SAMMSON: variants seen among roughly 807,000 people sequenced by gnomAD.
The protein encoded by SAMMSON is survival associated mitochondrial melanoma specific oncogenic non-coding RNA.
At chr3:70,023,449 A>G (rs2067024162) in intron 3 of SAMMSON, among the ~76,000 whole-genome samples, 1 of 151,622 alleles carries the variant, frequency 6.6e-6, no homozygotes. Context: ...TGACAGAGCA[A>G]GACTCTGTCT....
intron 6 of SAMMSON, among the ~76,000 whole-genome samples, chr3:70,278,607 A>G (rs975348578): frequency 6.6e-6 from 1 of 152,120 alleles, no homozygotes; most frequent in Non-Finnish European, 1.5e-5. Flanking sequence ...GAATGCCTTT[A>G]TTGACTACTT....
chr3:70,175,078 A>G (rs1701000426), intron 4 of SAMMSON, among the ~76,000 whole-genome samples: 1 of 152,124 alleles, frequency 6.6e-6, no homozygotes, highest in African/African-American at 2.4e-5. Flanking sequence ...ATCGCAATTA[A>G]TAGAAAGTCT....
chr3:70,002,269 A>T (rs1284595072), intron 1 of SAMMSON, among the ~76,000 whole-genome samples: 1 of 152,222 alleles, frequency 6.6e-6, no homozygotes, highest in African/African-American at 2.4e-5. Context: ...AAGAATTAGT[A>T]GATTTTTAAT....
intron 7 of SAMMSON, among the ~76,000 whole-genome samples, chr3:70,350,294 C>CT (rs574656678): frequency 1.3e-5 from 2 of 152,008 alleles, no homozygotes; most frequent in Non-Finnish European, 2.9e-5. Context: ...AAAGAATAAC[C>CT]TTTTTTTGCA....
chr3:70,187,054 A>G (rs1409268607), intron 4 of SAMMSON, among the ~76,000 whole-genome samples: 1 of 152,208 alleles, frequency 6.6e-6, no homozygotes, highest in Non-Finnish European at 1.5e-5. Flanking sequence ...GTCTTTCTCT[A>G]GCTACCATGT....
intron 4 of SAMMSON, among the ~76,000 whole-genome samples, chr3:70,232,823 G>A (rs1047917647): frequency 6.6e-6 from 1 of 152,088 alleles, no homozygotes; most frequent in African/African-American, 2.4e-5. Flanking sequence ...TCTTCCCAGG[G>A]TGATTCTCTC....
intron 6 of SAMMSON, among the ~76,000 whole-genome samples, chr3:70,255,295 A>G (rs959467007): frequency 1.3e-5 from 2 of 152,256 alleles, no homozygotes; most frequent in African/African-American, 2.4e-5. Context: ...ATGAAAAAAC[A>G]TACATACTGT....
intron 3 of SAMMSON, among the ~76,000 whole-genome samples, chr3:70,050,397 A>G (rs1576108767): frequency 6.6e-6 from 1 of 152,150 alleles, no homozygotes; most frequent in East Asian, 1.9e-4. Context: ...CCAGTACAGC[A>G]GAGCAGCTCT....
chr3:70,218,217 A>G (rs1701432908), intron 4 of SAMMSON, among the ~76,000 whole-genome samples: 1 of 152,118 alleles, frequency 6.6e-6, no homozygotes, highest in South Asian at 2.1e-4. Context: ...TGGGGTTAAA[A>G]CACTTATTTC....
intron 4 of SAMMSON, among the ~76,000 whole-genome samples, chr3:70,154,756 C>T (rs2067585399): frequency 6.6e-6 from 1 of 151,980 alleles, no homozygotes; most frequent in African/African-American, 2.4e-5. Context: ...AGAAAGTTAA[C>T]CTGGTAAAGA....
At chr3:70,059,824 G>A (rs1161042490) in intron 3 of SAMMSON, among the ~76,000 whole-genome samples, 1 of 152,050 alleles carries the variant, frequency 6.6e-6, no homozygotes, top group Non-Finnish European at 1.5e-5. Flanking sequence ...AGCTGTTTTA[G>A]TGAATGACAC....
At chr3:70,083,537 T>G (rs972337017) in intron 4 of SAMMSON, among the ~76,000 whole-genome samples, 10 of 152,206 alleles carry the variant, frequency 6.6e-5, no homozygotes, top group African/African-American at 2.4e-4. Flanking sequence ...CATCAGGACC[T>G]TAAATTATGA....
At chr3:70,123,737 A>C (rs2067444335) in intron 4 of SAMMSON, among the ~76,000 whole-genome samples, 1 of 152,346 alleles carries the variant, frequency 6.6e-6, no homozygotes, top group African/African-American at 2.4e-5. Flanking sequence ...GAAAGCCTTT[A>C]AGGTGCCTTC....
chr3:70,086,850 G>A (rs1466021104), intron 4 of SAMMSON, among the ~76,000 whole-genome samples: 1 of 152,154 alleles, frequency 6.6e-6, no homozygotes, highest in African/African-American at 2.4e-5. Flanking sequence ...ATTTACACAT[G>A]TATGGGTTTA....
intron 1 of SAMMSON, among the ~76,000 whole-genome samples, chr3:70,001,655 G>A (rs1312200090): frequency 2.6e-5 from 4 of 152,062 alleles, no homozygotes; most frequent in Admixed American, 2.6e-4. Flanking sequence ...ATTTTGGGGG[G>A]GAATCACGAC....
At chr3:70,008,308 C>T (rs1008553082) in intron 1 of SAMMSON, among the ~76,000 whole-genome samples, 39 of 152,090 alleles carry the variant, frequency 2.6e-4, no homozygotes, top group African/African-American at 7.2e-4. Flanking sequence ...TGTTTGTATC[C>T]TCTTTTCTTT....
chr3:70,277,233 C>T (rs1314720644), intron 6 of SAMMSON, among the ~76,000 whole-genome samples: 2 of 151,976 alleles, frequency 1.3e-5, no homozygotes, highest in African/African-American at 4.8e-5. Context: ...AAATACAATA[C>T]GAAAAAGGCT....
chr3:70,181,526 C>T (rs542994732), intron 4 of SAMMSON, among the ~76,000 whole-genome samples: 7 of 152,276 alleles, frequency 4.6e-5, no homozygotes, highest in South Asian at 4.1e-4. Flanking sequence ...CTTCTTAACC[C>T]GCAGTTTCCT....
At chr3:70,256,340 G>A (rs1432085610) in intron 6 of SAMMSON, among the ~76,000 whole-genome samples, 2 of 152,128 alleles carry the variant, frequency 1.3e-5, no homozygotes, top group East Asian at 3.9e-4. Flanking sequence ...GGCCTTTTTA[G>A]CAATCTTCCC....
Sources: gnomAD v4.1 joint callset for allele counts (sites outside exome capture counted in the v4.1 genomes callset) on GRCh38, gnomAD v4.1.1 for gene constraint, MANE v1.5 for transcripts, NCBI Gene and HGNC (gene_info 2026-07-23, HGNC 2026-07-21) for gene names.